INTS15: variants seen among roughly 807,000 people sequenced by gnomAD.
The protein encoded by INTS15 is integrator complex subunit 15.
chr7:6,595,189 G>A, the INTS15 span, among the ~76,000 whole-genome samples: 3 of 152,026 alleles, frequency 2.0e-5, no homozygotes, highest in African/African-American at 4.8e-5. Context: ...ATGCCACCAC[G>A]CCTGGCTAAT....
At chr7:6,608,076 A>ACCCCCC in the INTS15 span, 53 of 1,143,434 alleles carry the variant, frequency 4.6e-5, no homozygotes, top group Non-Finnish European at 5.7e-5. Context: ...GTCCCGGCCC[A>ACCCCCC]CCCCGCCGCC....
the INTS15 span, chr7:6,607,658 C>A: frequency 6.7e-7 from 1 of 1,498,132 alleles, no homozygotes; most frequent in Admixed American, 2.0e-5. The surrounding 1 kb of genome is among the most constrained non-coding windows in gnomAD (Gnocchi z 6.0). Flanking sequence ...TGTGTCCCAG[C>A]GCAGCAGAGA....
At chr7:6,607,900 G>C in the INTS15 span, 6 of 1,587,304 alleles carry the variant, frequency 3.8e-6, no homozygotes, top group Non-Finnish European at 5.1e-6. The surrounding 1 kb of genome is among the most constrained non-coding windows in gnomAD (Gnocchi z 6.0). Flanking sequence ...TCAGCCTACC[G>C]TGCGCACCTG....
the INTS15 span, among the ~76,000 whole-genome samples, chr7:6,606,527 C>T: frequency 1.3e-5 from 2 of 152,088 alleles, no homozygotes; most frequent in African/African-American, 2.4e-5. Context: ...GAGACCAGTG[C>T]AGGCGCTGCA....
chr7:6,601,576 G>A, the INTS15 span, among the ~76,000 whole-genome samples: 2 of 151,926 alleles, frequency 1.3e-5, no homozygotes, highest in African/African-American at 4.8e-5. Flanking sequence ...GATTACAGGC[G>A]TGAGCCACTG....
At chr7:6,594,973 C>T in the INTS15 span, among the ~76,000 whole-genome samples, 2 of 152,096 alleles carry the variant, frequency 1.3e-5, no homozygotes, top group African/African-American at 4.8e-5. Context: ...AGTGATCCAC[C>T]CGCCTCGGCC....
At chr7:6,601,675 G>A in the INTS15 span, among the ~76,000 whole-genome samples, 7 of 144,152 alleles carry the variant, frequency 4.9e-5, no homozygotes, top group Admixed American at 1.4e-4. Context: ...TTTTTTTTTC[G>A]AGACAGGGTC....
At chr7:6,602,295 T>G in the INTS15 span, 1 of 598,886 alleles carries the variant, frequency 1.7e-6, no homozygotes, top group African/African-American at 1.9e-5. Context: ...TGAATGGAAC[T>G]CAAGTAGAAA....
the INTS15 span, chr7:6,607,406 A>C: frequency 3.5e-5 from 14 of 395,824 alleles, no homozygotes; most frequent in Admixed American, 2.3e-4. The surrounding 1 kb of genome is among the most constrained non-coding windows in gnomAD (Gnocchi z 6.0). Flanking sequence ...GGTGCCCAAG[A>C]GTGGGGGCAT....
the INTS15 span, chr7:6,590,391 G>A: frequency 6.2e-7 from 1 of 1,606,426 alleles, no homozygotes. Flanking sequence ...AGAGCGCGCC[G>A]CTGCCCATCG....
At chr7:6,597,840 G>A in the INTS15 span, among the ~76,000 whole-genome samples, 16 of 152,212 alleles carry the variant, frequency 1.1e-4, no homozygotes, top group Non-Finnish European at 2.2e-4. Context: ...TGAAACCGCT[G>A]TTGGGCACTT....
At chr7:6,596,032 T>G in the INTS15 span, among the ~76,000 whole-genome samples, 1 of 145,054 alleles carries the variant, frequency 6.9e-6, no homozygotes, top group Non-Finnish European at 1.5e-5. Flanking sequence ...ACCAGCCTCC[T>G]GACTATTTTT....
At chr7:6,607,869 G>T in the INTS15 span, 8 of 1,552,152 alleles carry the variant, frequency 5.2e-6, no homozygotes, top group African/African-American at 1.1e-4. The surrounding 1 kb of genome is among the most constrained non-coding windows in gnomAD (Gnocchi z 6.0). Flanking sequence ...CCTCTCCTGG[G>T]CGGGGTGCGG....
At chr7:6,595,947 T>G in the INTS15 span, among the ~76,000 whole-genome samples, 1 of 152,198 alleles carries the variant, frequency 6.6e-6, no homozygotes, top group Non-Finnish European at 1.5e-5. Context: ...CTCTTCCTGG[T>G]CTGATAGCCA....
chr7:6,607,880 G>T, the INTS15 span: 1 of 1,567,878 alleles, frequency 6.4e-7, no homozygotes, highest in East Asian at 2.3e-5. The surrounding 1 kb of genome is among the most constrained non-coding windows in gnomAD (Gnocchi z 6.0). Flanking sequence ...CGGGGTGCGG[G>T]GGGACGGGGT....
At chr7:6,594,410 A>C in the INTS15 span, 12 of 1,613,448 alleles carry the variant, frequency 7.4e-6, no homozygotes, top group South Asian at 8.8e-5. Flanking sequence ...TCTGTAGTTA[A>C]GTGGACTGTG....
the INTS15 span, chr7:6,591,771 C>T: frequency 2.9e-5 from 46 of 1,613,966 alleles, no homozygotes; most frequent in South Asian, 1.6e-4. Flanking sequence ...GGAACAAAGC[C>T]GATGACAGCC....
At chr7:6,599,682 G>T in the INTS15 span, 1 of 747,200 alleles carries the variant, frequency 1.3e-6, no homozygotes, top group South Asian at 1.8e-5. Context: ...CTAGGAAAGG[G>T]GACAGAAAAT....
chr7:6,608,155 C>G, the INTS15 span: 1 of 1,494,310 alleles, frequency 6.7e-7, no homozygotes, highest in South Asian at 1.2e-5. Flanking sequence ...TCAGGCCCAT[C>G]CGCTAGGCTG....
Sources: allele counts gnomAD v4.1 joint callset (sites outside exome capture counted in the v4.1 genomes callset), GRCh38; gene constraint gnomAD v4.1.1; non-coding constraint Gnocchi (gnomAD v3.1); transcripts MANE v1.5; gene names NCBI Gene and HGNC (gene_info 2026-07-23, HGNC 2026-07-21).